The following PDZRN4 variants were observed in gnomAD, a reference collection of about 807,000 sequenced individuals.
PDZRN4 encodes the protein PDZ domain-containing RING finger protein 4.
Under a neutral mutation model 99.0 loss-of-function variants are expected in PDZRN4, and 70 were observed. The ratio of observed to expected loss-of-function variants is 0.71; its 90% CI spans 0.58 to 0.86. The LOEUF (loss-of-function observed/expected upper bound fraction) is 0.86, where lower values mean the gene tolerates loss of function less well. Among genes scored for constraint, PDZRN4 ranks in the 40% least tolerant of loss-of-function variants. The pLI, the probability that PDZRN4 is intolerant of heterozygous loss-of-function variation, is 0.00. For synonymous variants in PDZRN4, 551 were observed against 501.6 expected (o/e 1.10, Z -1.32); for missense variants, 1,474 against 1,331.2 (o/e 1.11, Z -1.67).
chr12:41,203,367 A>G (rs551130769), intron 3 of PDZRN4, among the ~76,000 whole-genome samples: 1 of 152,104 alleles, frequency 6.6e-6, no homozygotes, highest in South Asian at 2.1e-4. Flanking sequence ...GGACTCTTAC[A>G]GGAAAAGTCA....
At chr12:41,404,230 A>G (rs1035931975) in intron 3 of PDZRN4, among the ~76,000 whole-genome samples, 6 of 152,186 alleles carry the variant, frequency 3.9e-5, no homozygotes, top group African/African-American at 1.4e-4. Context: ...TGCAAAACCC[A>G]TGGATTCGGA....
At chr12:41,421,802 C>T (rs1277385694) in intron 3 of PDZRN4, among the ~76,000 whole-genome samples, 1 of 152,110 alleles carries the variant, frequency 6.6e-6, no homozygotes, top group Non-Finnish European at 1.5e-5. Flanking sequence ...TATATCCCAT[C>T]TTATTATATT....
intron 3 of PDZRN4, among the ~76,000 whole-genome samples, chr12:41,357,497 A>G (rs535460859): frequency 1.2e-4 from 19 of 152,112 alleles, no homozygotes; most frequent in Non-Finnish European, 2.6e-4. Context: ...TCTCAGACTT[A>G]TCTAGGGGCT....
chr12:41,230,072 AC>A (rs1219269495), intron 3 of PDZRN4, among the ~76,000 whole-genome samples: 1 of 151,850 alleles, frequency 6.6e-6, no homozygotes, highest in Admixed American at 6.6e-5. Flanking sequence ...TCTTCTGGAG[AC>A]CAGAAATCAC....
intron 3 of PDZRN4, among the ~76,000 whole-genome samples, chr12:41,399,154 T>C (rs951200207): frequency 6.6e-6 from 1 of 152,078 alleles, no homozygotes; most frequent in Non-Finnish European, 1.5e-5. Context: ...ACTAACTTGA[T>C]TCATTAAAAT....
intron 5 of PDZRN4, among the ~76,000 whole-genome samples, chr12:41,534,824 G>T: frequency 6.6e-6 from 1 of 152,058 alleles, no homozygotes; most frequent in East Asian, 1.9e-4. Context: ...TAGTGAAGAA[G>T]GTTATTTCTG....
In PDZRN4 at chr12:41,194,490, A is replaced by T. The variant is rs971283321; in HGVS notation, c.843+302A>T. ...TCTCTACCAAAAAACAAAACAAAAA[A>T]ATTAGCTGGGCATGGTGGCACATAC... On this transcript the variant is annotated intron_variant, in intron 3 of 9. Transcript: ENST00000402685. Among the ~76,000 whole-genome samples the T allele has an allele frequency of 5.3e-5, 8 of 152,108 alleles. 1 individual carries two copies.
chr12:41,250,191 C>T (rs115646167), intron 3 of PDZRN4, among the ~76,000 whole-genome samples: 2 of 152,144 alleles, frequency 1.3e-5, no homozygotes, highest in East Asian at 3.8e-4. Context: ...TTTTTTGTAA[C>T]TAGTCTGTAC....
At chr12:41,541,996 A>G (rs1402982677) in intron 5 of PDZRN4, among the ~76,000 whole-genome samples, 1 of 152,172 alleles carries the variant, frequency 6.6e-6, no homozygotes, top group Non-Finnish European at 1.5e-5. Flanking sequence ...TCTTTAGCTG[A>G]CTTCCTTTGC....
chr12:41,271,243 G>A (rs1199028581), intron 3 of PDZRN4, among the ~76,000 whole-genome samples: 2 of 151,692 alleles, frequency 1.3e-5, no homozygotes, highest in Non-Finnish European at 2.9e-5. Context: ...ATAGAGACAG[G>A]ATACATTAAA....
chr12:41,341,719 G>C (rs1951818987), intron 3 of PDZRN4, among the ~76,000 whole-genome samples: 1 of 151,634 alleles, frequency 6.6e-6, no homozygotes, highest in African/African-American at 2.4e-5. Flanking sequence ...TAAATGAAAA[G>C]ATAGATTTTG....
chr12:41,349,680 A>G (rs1178024100), intron 3 of PDZRN4, among the ~76,000 whole-genome samples: 1 of 152,048 alleles, frequency 6.6e-6, no homozygotes, highest in Non-Finnish European at 1.5e-5. Context: ...CCAGCACCAC[A>G]AGAGAATCTT....
chr12:41,354,229 C>T (rs928742830), intron 3 of PDZRN4, among the ~76,000 whole-genome samples: 25 of 152,036 alleles, frequency 1.6e-4, no homozygotes, highest in African/African-American at 5.6e-4. Context: ...ATTTTCTAAG[C>T]AAATGGGTTA....
At chr12:41,399,880 T>G (rs1038989702) in intron 3 of PDZRN4, among the ~76,000 whole-genome samples, 2 of 152,144 alleles carry the variant, frequency 1.3e-5, no homozygotes, top group African/African-American at 4.8e-5. Context: ...CTTCTGTTTA[T>G]GCAGAAGCTT....
At chr12:41,487,222 A>G (rs1337446569) in intron 3 of PDZRN4, among the ~76,000 whole-genome samples, 1 of 151,670 alleles carries the variant, frequency 6.6e-6, no homozygotes, top group East Asian at 1.9e-4. Flanking sequence ...TGCCTAGAAC[A>G]AGGTCTGGCA....
intron 8 of PDZRN4, among the ~76,000 whole-genome samples, chr12:41,565,204 T>A (rs1169169539): frequency 2.6e-5 from 4 of 152,098 alleles, no homozygotes; most frequent in Non-Finnish European, 5.9e-5. Context: ...AAATGAGACT[T>A]CCCTTTCCAC....
chr12:41,495,819 A>T (rs186931643), intron 3 of PDZRN4, among the ~76,000 whole-genome samples: 522 of 152,110 alleles, frequency 3.4e-3, no homozygotes, highest in Non-Finnish European at 4.8e-3. Flanking sequence ...TTACTCTTTC[A>T]TGCCTCAACC....
At chr12:41,208,098 TC>T (rs1950863459) in intron 3 of PDZRN4, among the ~76,000 whole-genome samples, 1 of 151,898 alleles carries the variant, frequency 6.6e-6, no homozygotes, top group Non-Finnish European at 1.5e-5. Flanking sequence ...GAGTGTCCTG[TC>T]TTTTGTGTGT....
chr12:41,245,526 G>A (rs1951128260), intron 3 of PDZRN4, among the ~76,000 whole-genome samples: 1 of 152,172 alleles, frequency 6.6e-6, no homozygotes, highest in South Asian at 2.1e-4. Flanking sequence ...TATGGATAAT[G>A]TAATAGGATA....
Sources: gnomAD v4.1 joint callset for allele counts (sites outside exome capture counted in the v4.1 genomes callset) on GRCh38, gnomAD v4.1.1 for gene constraint, MANE v1.5 for transcripts, NCBI Gene and HGNC (gene_info 2026-07-23, HGNC 2026-07-21) for gene names.